Variants in NEK9 observed in about 807,000 individuals in gnomAD.
The protein encoded by NEK9 is serine/threonine-protein kinase Nek9.
In NEK9, 75 loss-of-function variants were observed where a neutral mutation model predicts 123.4. The observed-to-expected ratio is 0.61, with a 90% CI of 0.50 to 0.74. The LOEUF is 0.74. NEK9 is among the 30% of genes least tolerant of loss of function. NEK9 has a pLI of 0.00. For synonymous variants in NEK9, 438 were observed against 458.7 expected, an observed-to-expected ratio of 0.95 and a Z score of 0.58; for missense variants, 952 against 1,214.4, an observed-to-expected ratio of 0.78 and a Z score of 3.21.
At chr14:75,110,431 G>A in intron 8 of NEK9, 60 bp from the exon 9 acceptor site, 2 of 1,294,586 alleles carry the variant, frequency 1.5e-6, no homozygotes, top group Non-Finnish European at 2.2e-6. Context: ...TTGCAAAGGT[G>A]TCTGTTTAAT....
chr14:75,115,096 T>C (rs1251592248), intron 6 of NEK9, among the ~76,000 whole-genome samples: 1 of 93,044 alleles, frequency 1.1e-5, no homozygotes, highest in Non-Finnish European at 2.2e-5. Context: ...TGTGTACATA[T>C]ATGCACACGT....
intron 16 of NEK9, 78 bp from the exon 17 acceptor site, chr14:75,097,348 C>A: frequency 8.0e-7 from 1 of 1,255,380 alleles, no homozygotes; most frequent in Non-Finnish European, 1.1e-6. Flanking sequence ...TCTTTATATC[C>A]TAGAGCTAGA....
chr14:75,124,226 A>C lies in NEK9; in HGVS notation c.220-3T>G, dbSNP rs752501464. 4.3e-5 allele frequency: 69 copies of C among 1,613,032 alleles called. No individual in the cohort carries two copies. Among genetic ancestry groups the C allele is most frequent in the Non-Finnish European group, 5.3e-5 (63 of 1,179,204 alleles). ...TTCCACACAACCAGTGAGTCATCCT[A>C]AACACAGTAACAGAGGTATCGTGCT... On this transcript the variant is annotated splice_region_variant and splice_polypyrimidine_tract_variant and intron_variant, in intron 1 of 21. Coordinates refer to ENST00000238616, the MANE Select transcript of NEK9 (RefSeq NM_033116.6).
At chr14:75,119,922 G>A (rs1165853146) in intron 4 of NEK9, among the ~76,000 whole-genome samples, 1 of 152,152 alleles carries the variant, frequency 6.6e-6, no homozygotes, top group Non-Finnish European at 1.5e-5. Flanking sequence ...AGAAATACAT[G>A]TTAACTGAAT....
intron 11 of NEK9, among the ~76,000 whole-genome samples, chr14:75,106,994 G>A (rs1894799341): frequency 6.6e-6 from 1 of 152,162 alleles, no homozygotes. Context: ...TAAGTCCCAA[G>A]GAATCATTAA....
chr14:75,101,445 G>T (rs1894576554), intron 15 of NEK9, among the ~76,000 whole-genome samples: 1 of 152,176 alleles, frequency 6.6e-6, no homozygotes, highest in African/African-American at 2.4e-5. Flanking sequence ...ACAGATGTCT[G>T]GAATCATAGG....
chr14:75,126,829 C>A lies in NEK9; in HGVS notation c.93G>T (p.Gly31=). The A allele has an allele frequency of 6.5e-7, 1 of 1,534,050 alleles. No individual in the cohort carries two copies. Among genetic ancestry groups the A allele is most frequent in the Non-Finnish European group, 8.8e-7 (1 of 1,140,808 alleles). ...ESGGCGDSSP[G]PSASQGPRAG... is the part of the protein sequence containing the mutation. The stretch of plus-strand genomic sequence containing the variant: ...CTCGCGGCCCCTGACTGGCGCTAGG[C>A]CCCGGACTCGAGTCCCCGCAACCCC... Residue 31 remains glycine, a synonymous_variant, in exon 1 of 22, where the codon GGG becomes GGT. Transcript: ENST00000238616.
rs575593843 is a variant in NEK9, at chr14:75,104,420, C to A, written c.1576-423G>T. Reference sequence around the variant, plus strand: ...ACCTCAGGTGATCTACCCACCTTGGCCTCCCAAAGTGCTGGGATTACAGGT... The same window carrying A: ...ACCTCAGGTGATCTACCCACCTTGGACTCCCAAAGTGCTGGGATTACAGGT... On this transcript the variant is annotated intron_variant, in intron 13 of 21. Transcript: ENST00000238616. Among the ~76,000 whole-genome samples the A allele has an allele frequency of 4.5e-4, 69 of 151,920 alleles. 1 individual carries two copies. The South Asian group carries it at 0.014, about 30-fold the overall frequency.
At chr14:75,099,287 T>C (rs1029801252) in intron 16 of NEK9, among the ~76,000 whole-genome samples, 11 of 151,980 alleles carry the variant, frequency 7.2e-5, no homozygotes, top group African/African-American at 2.7e-4. Context: ...ATCATACCAC[T>C]GTACTCCAGC....
chr14:75,127,030 C>A lies in NEK9; in HGVS notation c.-109G>T. The A allele has an allele frequency of 1.1e-6, 1 of 883,966 alleles. No homozygotes were observed. Among genetic ancestry groups the A allele is most frequent in the Non-Finnish European group, 1.6e-6 (1 of 611,202 alleles). 54.8% of individuals were successfully genotyped at this position (883,966 alleles called of 1,614,324 possible). ...GCCCGCGGATCCGTCAGCCCAGCAACCCCGCGAAGCTCGATGGTGGCTCCT... is the reference window on the plus strand; with the variant it reads ...GCCCGCGGATCCGTCAGCCCAGCAAACCCGCGAAGCTCGATGGTGGCTCCT... On this transcript the variant is annotated 5_prime_UTR_variant, in exon 1 of 22. Transcript: ENST00000238616.
chr14:75,120,700 T>TTC, intron 3 of NEK9, 120 bp from the exon 4 acceptor site: 1 of 747,540 alleles, frequency 1.3e-6, no homozygotes, highest in Non-Finnish European at 2.2e-6. Flanking sequence ...TCAACATGAC[T>TTC]TGACATCTCT....
chr14:75,088,727 C>T, intron 19 of NEK9, 86 bp from the exon 20 acceptor site: 1 of 1,280,778 alleles, frequency 7.8e-7, no homozygotes, highest in Non-Finnish European at 1.1e-6. Flanking sequence ...AGTTTTCCCT[C>T]TCTCATGACT....
chr14:75,083,878 T>C lies in NEK9; in HGVS notation c.*686A>G, dbSNP rs1245139102. 6.6e-6 allele frequency: 1 copy of C among 152,352 alleles called. No homozygotes were observed. The highest frequency in any genetic ancestry group is 1.9e-4 in the East Asian group (1 of 5,200). The allele number at this position is 152,352 out of a possible 1,614,324, so 9.4% of individuals were successfully genotyped here. A position where few individuals can be genotyped will look rare whatever the true frequency, so the allele number is the denominator to read the frequency against. On this transcript the variant is annotated 3_prime_UTR_variant, in exon 22 of 22. Coordinates refer to ENST00000238616, the MANE Select transcript of NEK9 (RefSeq NM_033116.6). ...ACAGCCTGAAACACCAGCTGTGTGA[T>C]GAGGAGGGTCCTGCCCTTTCTCTAT...
chr14:75,106,916 G>A (rs1157596919), intron 11 of NEK9, among the ~76,000 whole-genome samples: 1 of 152,178 alleles, frequency 6.6e-6, no homozygotes, highest in East Asian at 1.9e-4. Flanking sequence ...TTTAAAAAGT[G>A]GTAGCATTAT....
intron 14 of NEK9, among the ~76,000 whole-genome samples, chr14:75,102,515 T>TC (rs1894620014): frequency 1.3e-5 from 2 of 149,886 alleles, no homozygotes; most frequent in Non-Finnish European, 3.0e-5. Context: ...ACCTGGCTGT[T>TC]TTTTTTTTTG....
chr14:75,117,805 G>T (rs574635129), intron 5 of NEK9, among the ~76,000 whole-genome samples: 1 of 152,248 alleles, frequency 6.6e-6, no homozygotes, highest in South Asian at 2.1e-4. Flanking sequence ...CACAGCTAGC[G>T]AATTTCCTTT....
At chr14:75,086,012 A>G (rs1894010762) in intron 21 of NEK9, among the ~76,000 whole-genome samples, 1 of 152,008 alleles carries the variant, frequency 6.6e-6, no homozygotes, top group South Asian at 2.1e-4. Flanking sequence ...AATATGGTGA[A>G]ATCCCATCTC....
At chr14:75,119,793 CTG>C (rs1895263730) in intron 4 of NEK9, among the ~76,000 whole-genome samples, 1 of 152,204 alleles carries the variant, frequency 6.6e-6, no homozygotes, top group Non-Finnish European at 1.5e-5. Context: ...AACAAAATAA[CTG>C]TGCCTGGTTC....
At chr14:75,110,146 T>C (rs1177573625) in intron 9 of NEK9, among the ~76,000 whole-genome samples, 175 bp downstream of exon 9, 1 of 152,196 alleles carries the variant, frequency 6.6e-6, no homozygotes, top group African/African-American at 2.4e-5. Context: ...GCCACTTTAG[T>C]GTGAGGGTGA....
Sources: allele counts gnomAD v4.1 joint callset (sites outside exome capture counted in the v4.1 genomes callset), GRCh38; gene constraint gnomAD v4.1.1; transcripts MANE v1.5; gene names NCBI Gene and HGNC (gene_info 2026-07-23, HGNC 2026-07-21).